GPC6: variants seen among roughly 807,000 people sequenced by gnomAD.
The protein encoded by GPC6 is glypican-6.
GPC6 carries 14 observed loss-of-function variants against 55.2 expected under a neutral mutation model. The ratio of observed to expected loss-of-function variants is 0.25; its 90% CI spans 0.17 to 0.40. GPC6 has a LOEUF of 0.40. Ranked by LOEUF, GPC6 falls within the 10% of genes least tolerant of loss-of-function variation. The probability of loss-of-function intolerance (pLI) is 1.00; values close to 1 mark genes in which losing one functional copy is unlikely to be tolerated. For synonymous variants in GPC6, 278 were observed against 259.6 expected (o/e 1.07, Z -0.68); for missense variants, 641 against 708.5 (o/e 0.90, Z 1.08).
chr13:94,331,117 T>C (rs1302670599), intron 6 of GPC6, among the ~76,000 whole-genome samples: 1 of 152,154 alleles, frequency 6.6e-6, no homozygotes, highest in Non-Finnish European at 1.5e-5. Flanking sequence ...TGGGGACTAG[T>C]ACAATAGGTA....
intron 4 of GPC6, chr13:94,187,171 G>T (rs1889224397): frequency 6.6e-6 from 1 of 152,120 alleles, no homozygotes; most frequent in Non-Finnish European, 1.5e-5. Flanking sequence ...GGTGCCTTGG[G>T]CAACGTGTGT....
At chr13:93,846,450 C>G (rs774938908) in intron 3 of GPC6, among the ~76,000 whole-genome samples, 10 of 152,156 alleles carry the variant, frequency 6.6e-5, no homozygotes, top group Non-Finnish European at 1.5e-4. Flanking sequence ...ATACAGCAAC[C>G]TAATGCAAAA....
chr13:94,262,080 G>A (rs1223261785), intron 4 of GPC6, among the ~76,000 whole-genome samples: 1 of 152,114 alleles, frequency 6.6e-6, no homozygotes, highest in African/African-American at 2.4e-5. Context: ...GTCTTGGGAG[G>A]CATTTTAATG....
At chr13:94,288,910 TTTG>T (rs1368391764) in intron 5 of GPC6, among the ~76,000 whole-genome samples, 1 of 129,484 alleles carries the variant, frequency 7.7e-6, no homozygotes, top group Non-Finnish European at 1.7e-5. Flanking sequence ...TATATATATA[TTTG>T]TTATATATAT....
intron 4 of GPC6, among the ~76,000 whole-genome samples, chr13:94,076,316 G>C (rs1884913431): frequency 6.6e-6 from 1 of 151,746 alleles, no homozygotes; most frequent in Non-Finnish European, 1.5e-5. Flanking sequence ...AAGGTTATTT[G>C]TCTTTTTGCT....
At chr13:93,761,702 G>C (rs1384827535) in intron 2 of GPC6, among the ~76,000 whole-genome samples, 1 of 151,930 alleles carries the variant, frequency 6.6e-6, no homozygotes, top group Non-Finnish European at 1.5e-5. Flanking sequence ...TAGAGACAGG[G>C]TATTGCTATG....
At chr13:94,209,518 A>G (rs917847155) in intron 4 of GPC6, among the ~76,000 whole-genome samples, 1 of 152,246 alleles carries the variant, frequency 6.6e-6, no homozygotes, top group Non-Finnish European at 1.5e-5. Context: ...ATGCTCCTGC[A>G]GAAATACGCC....
At chr13:94,093,917 A>G (rs1292668050) in intron 4 of GPC6, among the ~76,000 whole-genome samples, 1 of 152,094 alleles carries the variant, frequency 6.6e-6, no homozygotes, top group African/African-American at 2.4e-5. Flanking sequence ...ATGCTAGCAC[A>G]GGAAAAAAAC....
chr13:94,124,680 A>C (rs1488719574), intron 4 of GPC6, among the ~76,000 whole-genome samples: 1 of 152,116 alleles, frequency 6.6e-6, no homozygotes, highest in Non-Finnish European at 1.5e-5. Flanking sequence ...CACATTCAAG[A>C]GTTTGAACCT....
At chr13:93,355,256 G>A (rs1880804498) in intron 1 of GPC6, among the ~76,000 whole-genome samples, 1 of 152,190 alleles carries the variant, frequency 6.6e-6, no homozygotes, top group Non-Finnish European at 1.5e-5. Context: ...GCCATTTTCT[G>A]CTGACGTGTA....
intron 2 of GPC6, among the ~76,000 whole-genome samples, chr13:93,782,699 T>C (rs1271684997): frequency 1.3e-5 from 2 of 152,210 alleles, no homozygotes; most frequent in Admixed American, 1.3e-4. Context: ...CACTTTTACA[T>C]ATACCTGTTG....
chr13:93,331,625 T>C (rs1879849520), intron 1 of GPC6, among the ~76,000 whole-genome samples: 1 of 134,992 alleles, frequency 7.4e-6, no homozygotes, highest in Admixed American at 7.1e-5. Context: ...AAACATTGTT[T>C]TTTCATCTTT....
At chr13:93,300,397 C>G (rs1878632751) in intron 1 of GPC6, among the ~76,000 whole-genome samples, 1 of 152,040 alleles carries the variant, frequency 6.6e-6, no homozygotes, top group South Asian at 2.1e-4. Context: ...GCCTGTAACC[C>G]CAGCAATTTG....
intron 4 of GPC6, among the ~76,000 whole-genome samples, chr13:94,104,751 G>A (rs554996668): frequency 2.0e-5 from 3 of 152,132 alleles, no homozygotes; most frequent in Admixed American, 6.6e-5. Flanking sequence ...TAGGAATCCA[G>A]CTTACAAGGG....
In GPC6 at chr13:94,404,885, C is replaced by A. The variant is rs1208958092; in HGVS notation, c.*1668C>A. ...ACAGAGAGAAGCAAAATAAACCCAA[C>A]TGGGGGCTTTATGAATACAGTTGGC... is the stretch of plus-strand genomic sequence containing the variant. On this transcript the variant is annotated 3_prime_UTR_variant, in exon 9 of 9. Transcript: ENST00000377047. 1.3e-5 allele frequency: 2 copies of A among 152,192 alleles called. No homozygotes were observed. The highest frequency in any genetic ancestry group is 4.8e-5 in the African/African-American group (2 of 41,450). The allele number at this position is 152,192 out of a possible 1,614,324, so 9.4% of individuals were successfully genotyped here.
chr13:93,851,201 A>G (rs912491263), intron 3 of GPC6, among the ~76,000 whole-genome samples: 3 of 151,998 alleles, frequency 2.0e-5, no homozygotes, highest in Non-Finnish European at 4.4e-5. Context: ...ATGGGCCTCT[A>G]GAATTCAACC....
chr13:93,635,694 T>C (rs1879662038), intron 2 of GPC6, among the ~76,000 whole-genome samples: 1 of 152,194 alleles, frequency 6.6e-6, no homozygotes, highest in African/African-American at 2.4e-5. Flanking sequence ...AGCATATATT[T>C]TCCTGGCATG....
intron 7 of GPC6, among the ~76,000 whole-genome samples, chr13:94,386,359 CAA>C (rs35238644): frequency 7.6e-5 from 9 of 118,402 alleles, no homozygotes; most frequent in Non-Finnish European, 9.0e-5. Context: ...GACTCTGTCT[CAA>C]AAAAAAAAAA....
intron 2 of GPC6, among the ~76,000 whole-genome samples, chr13:93,589,949 T>C (rs773612282): frequency 2.0e-5 from 3 of 152,218 alleles, no homozygotes; most frequent in Non-Finnish European, 4.4e-5. Flanking sequence ...AGTATTCTTC[T>C]GTGAAATGGA....
Sources: gnomAD v4.1 joint callset for allele counts (sites outside exome capture counted in the v4.1 genomes callset) on GRCh38, gnomAD v4.1.1 for gene constraint, MANE v1.5 for transcripts, NCBI Gene and HGNC (gene_info 2026-07-23, HGNC 2026-07-21) for gene names.